The following TET3 variants were observed in gnomAD, a reference collection of about 807,000 sequenced individuals.
TET3 encodes the protein tet methylcytosine dioxygenase 3.
A neutral mutation model predicts 141.4 loss-of-function variants in TET3; 19 were observed. The ratio of observed to expected loss-of-function variants is 0.13; its 90% confidence interval spans 0.09 to 0.20. TET3 has a LOEUF of 0.20. TET3 is among the 10% of genes least tolerant of loss of function. The pLI, the probability that TET3 is intolerant of heterozygous loss-of-function variation, is 1.00. For missense variants in TET3, 1,874 were observed against 2,356.9 expected, an observed-to-expected ratio of 0.80 and a Z score of 4.24; for synonymous variants, 1,043 against 980.9, an observed-to-expected ratio of 1.06 and a Z score of -1.18.
chr2:74,007,564 C>G (rs530969549), intron 3 of TET3, among the ~76,000 whole-genome samples: 2 of 152,226 alleles, frequency 1.3e-5, no homozygotes, highest in Non-Finnish European at 2.9e-5. Flanking sequence ...GTGGGCCCCG[C>G]AGCCCTTACT....
chr2:74,008,921 G>A (rs909926983), intron 3 of TET3, among the ~76,000 whole-genome samples: 1 of 152,100 alleles, frequency 6.6e-6, no homozygotes, highest in East Asian at 1.9e-4. Flanking sequence ...TCTCAACCCC[G>A]CCTCCAGGCA....
In TET3 at chr2:74,070,848, A is replaced by G. The variant is rs535545072; in HGVS notation, c.2495-2701A>G. ...AAATTTGCCAGGCATGGTGGTGCAC[A>G]CCTGTAGTCCCAGCTACTCAGGAGG... On this transcript the variant is annotated intron_variant, in intron 4 of 11. Transcript: ENST00000409262. 3.9e-5 allele frequency among the ~76,000 whole-genome samples: 6 copies of G among 152,162 alleles called. No individual in the cohort carries two copies. The South Asian group carries it at 1.2e-3, about 32-fold the overall frequency.
chr2:74,016,533 C>T (rs1432771029), intron 3 of TET3, among the ~76,000 whole-genome samples: 2 of 151,888 alleles, frequency 1.3e-5, no homozygotes. Flanking sequence ...ACCAGCCTGG[C>T]CAACATGGTG....
chr2:73,994,934 C>G (rs1684516159), intron 2 of TET3, among the ~76,000 whole-genome samples: 1 of 151,188 alleles, frequency 6.6e-6, no homozygotes. Context: ...ACTGTCCTGG[C>G]CTATCAGGTC....
chr2:74,117,604 A>G, the TET3 span, among the ~76,000 whole-genome samples: 4 of 152,138 alleles, frequency 2.6e-5, no homozygotes, highest in Non-Finnish European at 5.9e-5. Flanking sequence ...GAGCACCCAC[A>G]TACTCTTCAC....
At chr2:74,076,742 T>C (rs1689537339) in intron 5 of TET3, among the ~76,000 whole-genome samples, 1 of 152,060 alleles carries the variant, frequency 6.6e-6, no homozygotes, top group Non-Finnish European at 1.5e-5. Context: ...GGGTCTAGTT[T>C]GTGAATGGTA....
intron 3 of TET3, among the ~76,000 whole-genome samples, chr2:74,012,979 T>A (rs1056468734): frequency 1.3e-5 from 2 of 151,740 alleles, no homozygotes; most frequent in African/African-American, 4.9e-5. Context: ...TTGAATATAC[T>A]ATACTTGGTA....
chr2:74,081,550 T>C (rs775457131), intron 6 of TET3, among the ~76,000 whole-genome samples: 252 of 152,282 alleles, frequency 1.7e-3, no homozygotes, highest in Non-Finnish European at 8.1e-4. Flanking sequence ...GGCCCGTTAC[T>C]AGTCAGGCTG....
intron 3 of TET3, among the ~76,000 whole-genome samples, chr2:74,041,151 C>A (rs1475519895): frequency 6.6e-6 from 1 of 152,152 alleles, no homozygotes; most frequent in Non-Finnish European, 1.5e-5. Flanking sequence ...GGTTTCAGTG[C>A]ATTTTCTAGT....
intron 4 of TET3, among the ~76,000 whole-genome samples, chr2:74,060,299 T>G (rs1363207306): frequency 6.6e-6 from 1 of 152,212 alleles, no homozygotes; most frequent in Non-Finnish European, 1.5e-5. Flanking sequence ...GTCATTTCTG[T>G]TCAAGTTCCG....
chr2:74,113,334 G>A, the TET3 span, among the ~76,000 whole-genome samples: 220 of 152,150 alleles, frequency 1.4e-3, 1 homozygote, highest in African/African-American at 4.8e-3. Context: ...TGCAGTAAGC[G>A]GAGATCACGC....
intron 4 of TET3, among the ~76,000 whole-genome samples, chr2:74,071,078 G>A (rs185289307): frequency 6.6e-6 from 1 of 152,314 alleles, no homozygotes; most frequent in African/African-American, 2.4e-5. Flanking sequence ...CAGATCTGGT[G>A]TCTGTCGAGG....
In TET3 at chr2:74,100,475, C is replaced by G. The variant is rs766810547; in HGVS notation, c.3687C>G (p.Phe1229Leu). Residue 1229 changes from phenylalanine to leucine, a missense_variant, in exon 12 of 12, where the codon TTC (phenylalanine) becomes TTG (leucine). By Grantham distance (22) the Phe-to-Leu change is conservative. Coordinates refer to ENST00000409262, the MANE Select transcript of TET3 (RefSeq NM_001287491.2). ...AGCCGCAGAACCACTTCAGCTCCTT[C>G]AAGTACAGCGGCAACGCGGTGGTGG... is the stretch of plus-strand genomic sequence containing the variant. Reference protein sequence around the residue: ...KVEPQNHFSSFKYSGNAVVES... With the variant: ...KVEPQNHFSSLKYSGNAVVES... 6.3e-7 allele frequency: 1 copy of G among 1,594,278 alleles called. No individual in the cohort carries two copies. The highest frequency in any genetic ancestry group is 8.5e-7 in the Non-Finnish European group (1 of 1,170,604).
At chr2:74,120,520 G>A in the TET3 span, among the ~76,000 whole-genome samples, 7 of 152,346 alleles carry the variant, frequency 4.6e-5, no homozygotes, top group South Asian at 2.1e-4. Flanking sequence ...ACCCAAGGCA[G>A]GCGGCCCTGC....
At chr2:74,003,005 C>G (rs1417843229) in intron 2 of TET3, 105 bp from the exon 3 acceptor site, 2 of 1,222,056 alleles carry the variant, frequency 1.6e-6, no homozygotes, top group Non-Finnish European at 2.4e-6. Context: ...TATCCCCTCC[C>G]GTTCGCCTTC....
At chr2:74,058,579 A>T (rs1688334106) in intron 4 of TET3, among the ~76,000 whole-genome samples, 1 of 152,092 alleles carries the variant, frequency 6.6e-6, no homozygotes, top group Admixed American at 6.5e-5. Flanking sequence ...AATTTTTTTT[A>T]ATTTTTAAAT....
At chr2:74,079,794 C>T (rs141726121) in intron 5 of TET3, among the ~76,000 whole-genome samples, 1 of 152,320 alleles carries the variant, frequency 6.6e-6, no homozygotes, top group Non-Finnish European at 1.5e-5. Context: ...ACTGCTGCCT[C>T]TTTGTAGTTG....
At chr2:73,989,118 G>C (rs1364707259) in intron 2 of TET3, among the ~76,000 whole-genome samples, 2 of 151,186 alleles carry the variant, frequency 1.3e-5, no homozygotes, top group Non-Finnish European at 2.9e-5. Flanking sequence ...GTTCCTGAGA[G>C]ACTGCCAGGG....
In TET3 at chr2:74,102,439, T is replaced by TC. The variant is rs757954829; in HGVS notation, c.*265dup. 4 of 327,406 alleles carry TC rather than the reference T, an allele frequency of 1.2e-5. No individual in the cohort carries two copies. Among genetic ancestry groups the TC allele is most frequent in the Non-Finnish European group, 2.1e-5 (4 of 190,196 alleles). The allele number at this position is 327,406 out of a possible 1,614,324, so 20.3% of individuals were successfully genotyped here. ...TTTCCGTGATCTTAATATTTATATC[T>TC]CCAAGTTGTCCCCCCCCCTTGTCTG... On this transcript the variant is annotated 3_prime_UTR_variant, in exon 12 of 12. Coordinates refer to ENST00000409262, the MANE Select transcript of TET3 (RefSeq NM_001287491.2).
Sources: allele counts gnomAD v4.1 joint callset (sites outside exome capture counted in the v4.1 genomes callset), GRCh38; gene constraint gnomAD v4.1.1; transcripts MANE v1.5; gene names NCBI Gene and HGNC (gene_info 2026-07-23, HGNC 2026-07-21).